Variants in PTPRG observed in about 807,000 individuals in gnomAD.
PTPRG encodes the protein receptor-type tyrosine-protein phosphatase gamma.
PTPRG carries 102 observed loss-of-function variants against 165.3 expected under a neutral mutation model. The ratio of observed to expected loss-of-function variants is 0.62; its 90% CI spans 0.53 to 0.73. PTPRG has a LOEUF of 0.73. PTPRG is among the 30% of genes least tolerant of loss of function. The pLI is 0.00. For synonymous variants in PTPRG, 675 were observed against 669.5 expected (o/e 1.01, Z -0.13); for missense variants, 1,866 against 1,861.4 (o/e 1.00, Z -0.05).
At chr3:61,894,123 G>A (rs2038287006) in intron 2 of PTPRG, among the ~76,000 whole-genome samples, 1 of 151,850 alleles carries the variant, frequency 6.6e-6, no homozygotes. Flanking sequence ...GGTCAACATG[G>A]CAAAACCCCG....
chr3:62,025,927 C>T (rs1157437155), intron 4 of PTPRG, among the ~76,000 whole-genome samples: 1 of 152,118 alleles, frequency 6.6e-6, no homozygotes, highest in Non-Finnish European at 1.5e-5. Context: ...TTTCTAATCA[C>T]AAGTTTTTGA....
intron 5 of PTPRG, among the ~76,000 whole-genome samples, chr3:62,106,951 G>A (rs1417987301): frequency 6.6e-6 from 1 of 152,156 alleles, no homozygotes; most frequent in Non-Finnish European, 1.5e-5. Flanking sequence ...TTATTGAAGA[G>A]GAAAATGATA....
chr3:62,204,445 C>G (rs905514906), intron 12 of PTPRG, among the ~76,000 whole-genome samples: 2 of 152,066 alleles, frequency 1.3e-5, no homozygotes, highest in Admixed American at 6.6e-5. Flanking sequence ...AGTTAGGTAG[C>G]AGGAACGTTA....
intron 2 of PTPRG, among the ~76,000 whole-genome samples, chr3:61,760,053 G>A (rs1357813354): frequency 6.6e-6 from 1 of 152,066 alleles, no homozygotes; most frequent in African/African-American, 2.4e-5. Flanking sequence ...TATAAAAAGT[G>A]GGCCAGTTTA....
At chr3:61,971,704 A>G (rs2040388913) in intron 2 of PTPRG, among the ~76,000 whole-genome samples, 2 of 152,246 alleles carry the variant, frequency 1.3e-5, no homozygotes, top group Admixed American at 6.5e-5. Context: ...ATTTGGTGTG[A>G]TGGAAGTGTT....
At chr3:61,868,486 G>C (rs1442685308) in intron 2 of PTPRG, among the ~76,000 whole-genome samples, 2 of 152,144 alleles carry the variant, frequency 1.3e-5, no homozygotes, top group Non-Finnish European at 2.9e-5. Context: ...CCTGCCTTGA[G>C]CCTGGGCATT....
chr3:62,178,264 T>A (rs150956866), intron 8 of PTPRG, among the ~76,000 whole-genome samples: 1,949 of 151,652 alleles, frequency 0.013, 19 homozygotes, highest in Middle Eastern at 0.1. Context: ...TATGGGAGGA[T>A]GGAGGGATGG....
chr3:61,702,264 C>T (rs1284200276), intron 1 of PTPRG, among the ~76,000 whole-genome samples: 1 of 152,050 alleles, frequency 6.6e-6, no homozygotes, highest in African/African-American at 2.4e-5. Flanking sequence ...CAGGCGTGAG[C>T]CACCGCGTCT....
chr3:61,626,029 G>A lies in PTPRG; in HGVS notation c.85+63657G>A, dbSNP rs567295400. ...TTTGTTTGTTTTTTTTTTTTGGGGG[G>A]GCGGGAGAGATCACTTTTAGGCGAC... On this transcript the variant is annotated intron_variant, in intron 1 of 29. Transcript: ENST00000474889. Among the ~76,000 whole-genome samples, 37 of 148,486 alleles carry A rather than the reference G, an allele frequency of 2.5e-4. No individual in the cohort carries two copies. In the East Asian group the frequency reaches 6.1e-3, roughly 25 times the overall value.
intron 2 of PTPRG, among the ~76,000 whole-genome samples, chr3:61,806,322 A>G (rs780836781): frequency 1.5e-4 from 23 of 152,324 alleles, no homozygotes; most frequent in Admixed American, 5.9e-4. Context: ...CTAAAGTTAC[A>G]GAATCTGTAG....
At chr3:61,591,977 AT>A (rs1344585519) in intron 1 of PTPRG, among the ~76,000 whole-genome samples, 3,151 of 145,028 alleles carry the variant, frequency 0.022, 83 homozygotes, top group African/African-American at 0.067. Flanking sequence ...TGGAGTGCTA[AT>A]TTTTTTTTTT....
intron 1 of PTPRG, among the ~76,000 whole-genome samples, chr3:61,623,251 G>T (rs1701511499): frequency 6.6e-6 from 1 of 152,130 alleles, no homozygotes; most frequent in African/African-American, 2.4e-5. Context: ...GGAATACATT[G>T]GCCCTACCAT....
chr3:61,580,522 A>G (rs1316143103), intron 1 of PTPRG, among the ~76,000 whole-genome samples: 1 of 151,940 alleles, frequency 6.6e-6, no homozygotes, highest in Non-Finnish European at 1.5e-5. Flanking sequence ...TTTTTAGTAG[A>G]GACGGCGTTT....
At chr3:62,272,066 G>A (rs1239130215) in intron 21 of PTPRG, among the ~76,000 whole-genome samples, 1 of 151,878 alleles carries the variant, frequency 6.6e-6, no homozygotes, top group African/African-American at 2.4e-5. Flanking sequence ...CTGCACTCCA[G>A]CCTGGGTGAT....
At chr3:62,200,087 T>A (rs1479018177) in intron 10 of PTPRG, among the ~76,000 whole-genome samples, 1 of 151,976 alleles carries the variant, frequency 6.6e-6, no homozygotes, top group Non-Finnish European at 1.5e-5. Flanking sequence ...GTTGCCAGGG[T>A]TGGGGGAAGG....
At chr3:61,736,039 C>T (rs2032707809) in intron 1 of PTPRG, among the ~76,000 whole-genome samples, 1 of 151,796 alleles carries the variant, frequency 6.6e-6, no homozygotes, top group Non-Finnish European at 1.5e-5. Flanking sequence ...TCCCGAGTAG[C>T]TGGGACTACA....
At chr3:61,625,079 T>A (rs1313499344) in intron 1 of PTPRG, among the ~76,000 whole-genome samples, 2 of 151,822 alleles carry the variant, frequency 1.3e-5, no homozygotes, top group Non-Finnish European at 2.9e-5. Context: ...TCATATTTTC[T>A]CTCTTTTCAA....
intron 1 of PTPRG, among the ~76,000 whole-genome samples, chr3:61,647,335 T>C (rs192165331): frequency 2.0e-5 from 3 of 152,308 alleles, no homozygotes; most frequent in Non-Finnish European, 2.9e-5. Context: ...CCAGATATTA[T>C]ACTAAGCACC....
intron 8 of PTPRG, among the ~76,000 whole-genome samples, chr3:62,186,541 T>G (rs1576110757): frequency 6.8e-6 from 1 of 146,610 alleles, no homozygotes; most frequent in African/African-American, 2.6e-5. Context: ...GGAAGCAGGG[T>G]GTTGAAGCTG....
Sources: gnomAD v4.1 joint callset for allele counts (sites outside exome capture counted in the v4.1 genomes callset) on GRCh38, gnomAD v4.1.1 for gene constraint, MANE v1.5 for transcripts, NCBI Gene and HGNC (gene_info 2026-07-23, HGNC 2026-07-21) for gene names.